Variants in CTNNA3 observed in about 807,000 individuals in gnomAD.
CTNNA3 encodes catenin alpha 3, also known as catenin alpha-3.
In CTNNA3, 76 loss-of-function variants were observed where a neutral mutation model predicts 95.7. That is an observed-to-expected ratio of 0.79 (90% CI 0.66 to 0.96). The LOEUF is 0.96. Among genes scored for constraint, CTNNA3 ranks in the 40% least tolerant of loss-of-function variants. The pLI is 0.00. For missense variants in CTNNA3, 1,191 were observed against 1,089.8 expected (o/e 1.09, Z -1.31); for synonymous variants, 431 against 374.4 (o/e 1.15, Z -1.74).
intron 11 of CTNNA3, among the ~76,000 whole-genome samples, chr10:66,422,017 T>C (rs2093200205): frequency 6.6e-6 from 1 of 151,392 alleles, no homozygotes; most frequent in African/African-American, 2.4e-5. Flanking sequence ...GATTGTATTT[T>C]TTCCAAATGA....
intron 3 of CTNNA3, among the ~76,000 whole-genome samples, chr10:67,601,967 C>T (rs769928087): frequency 1.3e-5 from 2 of 151,952 alleles, no homozygotes; most frequent in Non-Finnish European, 2.9e-5. Context: ...AATAAAGCCA[C>T]GGATAGCAAT....
intron 5 of CTNNA3, among the ~76,000 whole-genome samples, chr10:67,235,050 G>T (rs1865388969): frequency 6.6e-6 from 1 of 151,080 alleles, no homozygotes; most frequent in South Asian, 2.1e-4. Flanking sequence ...CATGCTCATG[G>T]GTAGGAAGAA....
At chr10:66,348,305 A>G (rs1343450173) in intron 12 of CTNNA3, among the ~76,000 whole-genome samples, 2 of 152,116 alleles carry the variant, frequency 1.3e-5, no homozygotes, top group Non-Finnish European at 2.9e-5. Context: ...GCAGATTTGC[A>G]TTTTGCTATC....
chr10:67,747,179 C>G (rs2131744939), intron 1 of CTNNA3, among the ~76,000 whole-genome samples: 2 of 152,320 alleles, frequency 1.3e-5, no homozygotes, highest in Middle Eastern at 3.4e-3. Context: ...CTCCATGGAC[C>G]AGCAGACTTA....
At chr10:67,073,362 A>G (rs917216203) in intron 7 of CTNNA3, among the ~76,000 whole-genome samples, 2 of 152,176 alleles carry the variant, frequency 1.3e-5, no homozygotes, top group African/African-American at 4.8e-5. Flanking sequence ...ACCTTCAACC[A>G]TATTGCTTTT....
intron 13 of CTNNA3, among the ~76,000 whole-genome samples, chr10:66,205,601 A>G (rs1484646589): frequency 6.6e-6 from 1 of 152,020 alleles, no homozygotes; most frequent in Non-Finnish European, 1.5e-5. Flanking sequence ...AAAAAAACCC[A>G]TACACAAAAT....
intron 11 of CTNNA3, among the ~76,000 whole-genome samples, chr10:66,406,015 G>C (rs1269657609): frequency 6.6e-6 from 1 of 152,108 alleles, no homozygotes; most frequent in Non-Finnish European, 1.5e-5. Context: ...ACAGTGGAAA[G>C]AGAGAGGCAA....
intron 10 of CTNNA3, among the ~76,000 whole-genome samples, chr10:66,594,602 A>T (rs1036949144): frequency 6.6e-6 from 1 of 152,122 alleles, no homozygotes; most frequent in African/African-American, 2.4e-5. Context: ...CTTCTCCTAG[A>T]ATTGTACACG....
chr10:66,063,330 T>C (rs570605217), intron 15 of CTNNA3, among the ~76,000 whole-genome samples: 29 of 148,732 alleles, frequency 1.9e-4, no homozygotes, highest in African/African-American at 7.1e-4. Context: ...AATATATATA[T>C]ATATTCCTAG....
intron 12 of CTNNA3, among the ~76,000 whole-genome samples, chr10:66,306,479 G>C (rs1040664119): frequency 2.0e-5 from 3 of 152,174 alleles, no homozygotes; most frequent in African/African-American, 4.8e-5. Flanking sequence ...GAAGGGCTTA[G>C]TGAATCGATG....
chr10:67,385,008 G>A (rs544902681), intron 5 of CTNNA3, among the ~76,000 whole-genome samples: 1 of 151,960 alleles, frequency 6.6e-6, no homozygotes, highest in Non-Finnish European at 1.5e-5. Context: ...AAGTGGTAAA[G>A]ATTTGAATTT....
intron 12 of CTNNA3, among the ~76,000 whole-genome samples, chr10:66,293,944 C>A (rs969329230): frequency 1.3e-5 from 2 of 151,952 alleles, no homozygotes; most frequent in Non-Finnish European, 2.9e-5. Context: ...AAATTACAGG[C>A]GTTAGCCACC....
chr10:67,430,612 T>C (rs2132895076), intron 5 of CTNNA3, among the ~76,000 whole-genome samples: 1 of 152,018 alleles, frequency 6.6e-6, no homozygotes, highest in East Asian at 1.9e-4. Context: ...CCTTCATGTA[T>C]ACTCAGGTCC....
At chr10:66,339,359 T>C (rs2092429618) in intron 12 of CTNNA3, among the ~76,000 whole-genome samples, 1 of 151,848 alleles carries the variant, frequency 6.6e-6, no homozygotes, top group South Asian at 2.1e-4. Flanking sequence ...AATATCTAAA[T>C]CAAACTTTAA....
chr10:66,234,479 T>C (rs1055180873), intron 13 of CTNNA3, among the ~76,000 whole-genome samples: 1 of 152,164 alleles, frequency 6.6e-6, no homozygotes, highest in African/African-American at 2.4e-5. Flanking sequence ...TGAACATTGA[T>C]CTTTGAGAAA....
intron 7 of CTNNA3, among the ~76,000 whole-genome samples, chr10:67,079,534 T>C (rs1481229504): frequency 1.3e-5 from 2 of 152,058 alleles, no homozygotes; most frequent in Non-Finnish European, 2.9e-5. Context: ...TGTGTTATAA[T>C]TAGGAAGATA....
At chr10:67,477,204 A>C (rs1298829269) in intron 5 of CTNNA3, among the ~76,000 whole-genome samples, 1 of 151,432 alleles carries the variant, frequency 6.6e-6, no homozygotes. Flanking sequence ...GACAACTTGG[A>C]TCCAAGGAGG....
At chr10:67,135,647 C>G (rs1348821058) in intron 7 of CTNNA3, among the ~76,000 whole-genome samples, 1 of 152,038 alleles carries the variant, frequency 6.6e-6, no homozygotes, top group East Asian at 1.9e-4. Context: ...TGCACTCCAG[C>G]CTGGATGACA....
chr10:66,460,127 T>C (rs1171955893), intron 11 of CTNNA3, among the ~76,000 whole-genome samples: 2 of 152,182 alleles, frequency 1.3e-5, no homozygotes, highest in African/African-American at 4.8e-5. Context: ...TTTCCATAGA[T>C]CTATTTGATT....
Sources: allele counts gnomAD v4.1 joint callset (sites outside exome capture counted in the v4.1 genomes callset), GRCh38; gene constraint gnomAD v4.1.1; transcripts MANE v1.5; gene names NCBI Gene and HGNC (gene_info 2026-07-23, HGNC 2026-07-21).